Variants in POU6F2 observed in about 807,000 individuals in gnomAD.
The protein encoded by POU6F2 is POU class 6 homeobox 2.
A neutral mutation model predicts 71.3 loss-of-function variants in POU6F2; 31 were observed. The ratio of observed to expected loss-of-function variants is 0.43; its 90% CI spans 0.33 to 0.59. The LOEUF is 0.59. Among genes scored for constraint, POU6F2 ranks in the 20% least tolerant of loss-of-function variants. POU6F2 has a pLI of 0.04. For missense variants in POU6F2, 783 were observed against 856.8 expected (o/e 0.91, Z 1.07); for synonymous variants, 347 against 355.7 (o/e 0.98, Z 0.27).
chr7:39,394,555 T>C (rs1787135812), intron 5 of POU6F2, among the ~76,000 whole-genome samples: 2 of 152,312 alleles, frequency 1.3e-5, no homozygotes, highest in Middle Eastern at 3.4e-3. Flanking sequence ...TCCCACCTTC[T>C]TTCTCTGCCT....
chr7:39,070,966 C>T (rs1790867839), intron 1 of POU6F2, among the ~76,000 whole-genome samples: 1 of 151,810 alleles, frequency 6.6e-6, no homozygotes, highest in South Asian at 2.1e-4. Context: ...AGCAGTGGTC[C>T]CCGTTTTTGG....
intron 6 of POU6F2, among the ~76,000 whole-genome samples, chr7:39,422,398 G>A (rs116313196): frequency 2.6e-5 from 4 of 152,348 alleles, no homozygotes; most frequent in African/African-American, 9.6e-5. Context: ...CAAGGCCACA[G>A]TGGCTTGAAG....
intron 7 of POU6F2, among the ~76,000 whole-genome samples, chr7:39,440,354 C>G (rs928186974): frequency 6.6e-6 from 1 of 152,088 alleles, no homozygotes; most frequent in Non-Finnish European, 1.5e-5. Flanking sequence ...GATGAAGTCC[C>G]GTATTTCTTG....
chr7:39,006,739 G>A (rs2128701578), intron 1 of POU6F2: 2 of 1,017,410 alleles, frequency 2.0e-6, no homozygotes, highest in East Asian at 2.4e-5. Context: ...TAAATAAAAT[G>A]TTGGGGTTTT....
chr7:39,078,590 A>G (rs554596314), intron 1 of POU6F2, among the ~76,000 whole-genome samples: 2 of 152,168 alleles, frequency 1.3e-5, no homozygotes, highest in South Asian at 4.1e-4. Flanking sequence ...GGCTTTTGTG[A>G]TTGAACGCTA....
chr7:38,987,949 C>G (rs1486784315), intron 1 of POU6F2, among the ~76,000 whole-genome samples: 1 of 152,068 alleles, frequency 6.6e-6, no homozygotes, highest in East Asian at 1.9e-4. Flanking sequence ...CTTCCAGATG[C>G]TAAGACAAGT....
chr7:39,073,378 A>T (rs1353284261), intron 1 of POU6F2, among the ~76,000 whole-genome samples: 1 of 13,608 alleles, frequency 7.3e-5, no homozygotes, highest in African/African-American at 2.6e-4. Context: ...GAACCTATTA[A>T]AAAAAAAAAA....
At chr7:39,309,110 C>T (rs1449106239) in intron 4 of POU6F2, among the ~76,000 whole-genome samples, 1 of 152,214 alleles carries the variant, frequency 6.6e-6, no homozygotes. Flanking sequence ...AAAAATAAGG[C>T]ACTCCTGGTT....
At chr7:39,308,503 A>C (rs1340395643) in intron 4 of POU6F2, among the ~76,000 whole-genome samples, 1 of 152,200 alleles carries the variant, frequency 6.6e-6, no homozygotes, top group Non-Finnish European at 1.5e-5. Context: ...CCTAATCTAG[A>C]ACCCACGGAA....
chr7:39,049,199 T>C (rs1370750308), intron 1 of POU6F2, among the ~76,000 whole-genome samples: 1 of 151,954 alleles, frequency 6.6e-6, no homozygotes, highest in Non-Finnish European at 1.5e-5. Context: ...TTGATGTTCA[T>C]GTAAATCCAT....
At chr7:39,142,081 G>C (rs372813878) in intron 2 of POU6F2, among the ~76,000 whole-genome samples, 2 of 151,662 alleles carry the variant, frequency 1.3e-5, no homozygotes, top group South Asian at 4.2e-4. Flanking sequence ...AGCAAGACTC[G>C]GTCTAAAGAA....
Position 39,006,653 on chromosome 7 carries a change from T to G in POU6F2, c.105+28595T>G, listed in dbSNP as rs1270227684. Reference sequence around the variant, plus strand: ...TAAGTCAGAGTCAGAACCTAGTTGTTTAGTGTTCTGTCTGCCAAGTCCTGT... The same window carrying G: ...TAAGTCAGAGTCAGAACCTAGTTGTGTAGTGTTCTGTCTGCCAAGTCCTGT... On this transcript the variant is annotated intron_variant, in intron 1 of 9. Transcript: ENST00000518318. 5 of 586,000 alleles carry G rather than the reference T, an allele frequency of 8.5e-6. No individual in the cohort carries two copies. The South Asian group carries it at 1.2e-4, about 14-fold the overall frequency. The allele number at this position is 586,000 out of a possible 1,614,324, so 36.3% of individuals were successfully genotyped here.
At chr7:39,275,588 T>C (rs912111256) in intron 4 of POU6F2, among the ~76,000 whole-genome samples, 20 of 152,246 alleles carry the variant, frequency 1.3e-4, no homozygotes, top group African/African-American at 3.6e-4. Flanking sequence ...GAGCCCGCAT[T>C]GCCAAGTCAA....
chr7:39,256,969 T>G (rs1784036508), intron 4 of POU6F2, among the ~76,000 whole-genome samples: 2 of 152,248 alleles, frequency 1.3e-5, no homozygotes, highest in Admixed American at 1.3e-4. Context: ...GTGTTGTTAA[T>G]AGCAGCAAAT....
At chr7:39,207,212 C>A (rs1003542883) in intron 3 of POU6F2, among the ~76,000 whole-genome samples, 180 bp from the exon 4 acceptor site, 2 of 152,098 alleles carry the variant, frequency 1.3e-5, no homozygotes, top group South Asian at 4.2e-4. Flanking sequence ...CCAAAGAAAT[C>A]AATGAAATGC....
rs575299552 is a variant in POU6F2 at position 39,170,419 on chromosome 7, T to A, written c.278-33816T>A. Among the ~76,000 whole-genome samples the A allele has an allele frequency of 2.0e-5, 3 of 152,296 alleles. No individual in the cohort carries two copies. The South Asian group carries it at 6.2e-4, about 32-fold the overall frequency. Reference sequence around the variant, plus strand: ...TTATTAAAACCATCAGGTCTAGGTCTGTAGATGAATTCATATGGCTAGGAC... The same window carrying A: ...TTATTAAAACCATCAGGTCTAGGTCAGTAGATGAATTCATATGGCTAGGAC... On this transcript the variant is annotated intron_variant, in intron 2 of 9. Coordinates refer to ENST00000518318, the MANE Select transcript of POU6F2 (RefSeq NM_001370959.1).
chr7:39,152,090 T>C (rs926033032), intron 2 of POU6F2, among the ~76,000 whole-genome samples: 1 of 152,142 alleles, frequency 6.6e-6, no homozygotes, highest in East Asian at 1.9e-4. Flanking sequence ...TGTTGGAAAA[T>C]GCAGTGAACC....
intron 4 of POU6F2, among the ~76,000 whole-genome samples, chr7:39,324,068 A>G (rs1418611999): frequency 6.6e-6 from 1 of 150,570 alleles, no homozygotes; most frequent in East Asian, 1.9e-4. Flanking sequence ...AGATAGCGCA[A>G]CTGCACTCCA....
chr7:39,185,582 A>G (rs1793516657), intron 2 of POU6F2, among the ~76,000 whole-genome samples: 1 of 152,064 alleles, frequency 6.6e-6, no homozygotes, highest in Admixed American at 6.5e-5. Context: ...ATGTAGGGGA[A>G]TATTCTAGTG....
Sources: allele counts gnomAD v4.1 joint callset (sites outside exome capture counted in the v4.1 genomes callset), GRCh38; gene constraint gnomAD v4.1.1; transcripts MANE v1.5; gene names NCBI Gene and HGNC (gene_info 2026-07-23, HGNC 2026-07-21).